Variants in INCA1 observed in about 807,000 individuals in gnomAD.
INCA1 encodes the protein protein INCA1.
A neutral mutation model predicts 25.7 loss-of-function variants in INCA1; 28 were observed. The observed-to-expected ratio is 1.09, with a 90% CI of 0.81 to 1.49. The LOEUF (loss-of-function observed/expected upper bound fraction) is 1.49, where lower values mean the gene tolerates loss of function less well. Ranked by LOEUF, INCA1 falls within the 40% of genes most tolerant of loss-of-function variation. The pLI, the probability that INCA1 is intolerant of heterozygous loss-of-function variation, is 0.00. For synonymous variants in INCA1, 111 were observed against 103.6 expected (o/e 1.07, Z -0.43); for missense variants, 309 against 290.9 (o/e 1.06, Z -0.45).
chr17:4,995,818 C>G (rs1284290883), intron 1 of INCA1: 1 of 152,230 alleles, frequency 6.6e-6, no homozygotes, highest in African/African-American at 2.4e-5. Context: ...GTAATCCCAG[C>G]TACTCAGGAG....
At chr17:4,996,214 C>A (rs563668638) in intron 1 of INCA1, among the ~76,000 whole-genome samples, 1 of 150,480 alleles carries the variant, frequency 6.6e-6, no homozygotes, top group East Asian at 2.0e-4. Context: ...GCGAAACCCC[C>A]TCTTTACCAA....
Position 4,988,931 on chromosome 17 carries a change from G to A in INCA1, c.409C>T (p.Gln137Ter). 12 of 1,613,874 alleles carry A rather than the reference G, an allele frequency of 7.4e-6. No individual in the cohort carries two copies. Among genetic ancestry groups the A allele is most frequent in the Non-Finnish European group, 1.0e-5 (12 of 1,179,950 alleles). The change falls in exon 6 of 7, where the codon CAG becomes TAG. Residue 137 changes from glutamine (Q) to a stop codon, truncating the protein, a stop_gained. Coordinates refer to ENST00000576820, the Ensembl canonical transcript of INCA1. LOFTEE classifies it high-confidence loss of function. ...GATGCAGCCCCAGAGCTGCCCCACT[G>A]GGCCTTCTTCAGTCTGTGGAGACTT...
In INCA1 at chr17:4,993,282, C is replaced by T. The variant is rs564343250; in HGVS notation, c.44+1112G>A. On this transcript the variant is annotated intron_variant, in intron 2 of 6. Coordinates refer to ENST00000576820, the Ensembl canonical transcript of INCA1. The stretch of plus-strand genomic sequence containing the variant: ...ACAACCTCTGCCTCCTGGGTTCAAG[C>T]GATTCTCCTGCCTCAGCCTCCCGAG... Among the ~76,000 whole-genome samples, 33 of 150,728 alleles carry T rather than the reference C, an allele frequency of 2.2e-4. 1 individual carries two copies. Among genetic ancestry groups the T allele is most frequent in the African/African-American group, 6.3e-4 (26 of 40,954 alleles).
chr17:4,988,670 G>C, intron 6 of INCA1, 109 bp downstream of exon 6: 1 of 1,566,692 alleles, frequency 6.4e-7, no homozygotes, highest in East Asian at 2.2e-5. Context: ...CGTTATTTTT[G>C]TTTCTCTCAA....
rs756111000 is a variant in INCA1, at chr17:4,988,739, C to G, written c.561+40G>C. The G allele has an allele frequency of 3.1e-6, 5 of 1,610,936 alleles. No homozygotes were observed. In the South Asian group the frequency reaches 5.5e-5, roughly 18 times the overall value. ...ATCTCCATGCAAGACCAGAGACCCA[C>G]ATCACTCCCTCACTCCACCCAGTTC... On this transcript the variant is annotated intron_variant, in intron 6 of 6. Coordinates refer to ENST00000576820, the Ensembl canonical transcript of INCA1.
intron 2 of INCA1, 135 bp from the exon 3 acceptor site, chr17:4,990,400 C>A (rs1050670808): frequency 2.1e-6 from 2 of 953,704 alleles, no homozygotes; most frequent in African/African-American, 1.7e-5. Context: ...CTCTCTTAAC[C>A]ACTTTAGCTG....
In INCA1 at chr17:4,989,599, C is replaced by G. The variant is rs377017363; in HGVS notation, c.224G>C (p.Gly75Ala). Residue 75 changes from glycine (G) to alanine (A), a missense_variant, in exon 5 of 7, where the codon GGT (glycine) becomes GCT (alanine). Physicochemically the swap from Gly to Ala is moderately conservative, Grantham distance 60. Coordinates refer to ENST00000576820, the Ensembl canonical transcript of INCA1. The stretch of plus-strand genomic sequence containing the variant: ...TGGGAGCTGCTCAGGAGGATACAGA[C>G]CAAGCTGGGAGCAACCAGTGGCTCT... 95 of 1,613,912 alleles carry G rather than the reference C, an allele frequency of 5.9e-5. No individual in the cohort carries two copies. The highest frequency in any genetic ancestry group is 7.5e-5 in the Non-Finnish European group (88 of 1,179,962).
chr17:4,991,493 AGAGCT>A (rs1178489271), intron 2 of INCA1, among the ~76,000 whole-genome samples: 1 of 152,232 alleles, frequency 6.6e-6, no homozygotes, highest in African/African-American at 2.4e-5. Flanking sequence ...AGGAGTGTGC[AGAGCT>A]GTTTGAGAAC....
intron 4 of INCA1, 59 bp from the exon 5 acceptor site, chr17:4,989,683 T>TTGGATTGAACTAGGTAGGGAGTCTGGGG: frequency 6.3e-7 from 1 of 1,595,082 alleles, no homozygotes; most frequent in South Asian, 1.1e-5. Context: ...TCAAGGGAGC[T>TTGGATTGAACTAGGTAGGGAGTCTGGGG]TGGATTGAAC....
chr17:4,989,520 C>T (rs752162219), exon 5 of INCA1: 2 of 1,614,256 alleles, frequency 1.2e-6, no homozygotes, highest in South Asian at 1.1e-5. Context: ...CCTGCTGCTG[C>T]ATTCCTTCCA....
chr17:4,988,172 G>A (rs1185646066), downstream of INCA1: 6 of 451,882 alleles, frequency 1.3e-5, no homozygotes, highest in Admixed American at 2.1e-4. Context: ...GAGAATACAA[G>A]GCCAGGAGCG....
chr17:4,996,247 TGTG>T (rs1974250344), intron 1 of INCA1, among the ~76,000 whole-genome samples: 1 of 150,752 alleles, frequency 6.6e-6, no homozygotes, highest in Non-Finnish European at 1.5e-5. Context: ...TTTAGCCAGG[TGTG>T]GTGGTGTGCG....
At chr17:4,991,410 A>G (rs1973866610) in intron 2 of INCA1, among the ~76,000 whole-genome samples, 1 of 152,182 alleles carries the variant, frequency 6.6e-6, no homozygotes, top group Non-Finnish European at 1.5e-5. Context: ...GGTCAATGCA[A>G]GGATCCAGGG....
chr17:4,989,367 C>T, intron 5 of INCA1, 61 bp downstream of exon 5: 1 of 1,508,548 alleles, frequency 6.6e-7, no homozygotes, highest in South Asian at 1.2e-5. Context: ...TTCCTTAGCT[C>T]AAACTGTTCT....
intron 1 of INCA1, among the ~76,000 whole-genome samples, chr17:4,996,666 CAAAAAAAAA>C (rs35732129): frequency 3.9e-5 from 2 of 51,776 alleles, no homozygotes; most frequent in Admixed American, 3.1e-4. Context: ...GACTCCGTCT[CAAAAAAAAA>C]AAAAAAAAAA....
intron 2 of INCA1, among the ~76,000 whole-genome samples, chr17:4,991,282 G>A (rs995318558): frequency 7.2e-5 from 11 of 152,132 alleles, no homozygotes; most frequent in Admixed American, 2.0e-4. Context: ...ATCCTAGGCC[G>A]CAGGTTGGAC....
At chr17:4,993,713 C>T (rs1256126491) in intron 2 of INCA1, among the ~76,000 whole-genome samples, 1 of 151,806 alleles carries the variant, frequency 6.6e-6, no homozygotes, top group Non-Finnish European at 1.5e-5. Context: ...CGTGATCCAC[C>T]CACCTCGGCC....
At chr17:4,990,370 A>C in intron 2 of INCA1, 105 bp from the exon 3 acceptor site, 1 of 1,330,812 alleles carries the variant, frequency 7.5e-7, no homozygotes, top group Non-Finnish European at 1.0e-6. Flanking sequence ...AAAGCTGCCC[A>C]GGTTCCCTCG....
At chr17:4,993,815 A>C (rs1463240484) in intron 2 of INCA1, among the ~76,000 whole-genome samples, 10 of 108,124 alleles carry the variant, frequency 9.2e-5, no homozygotes, top group Non-Finnish European at 1.5e-4. Context: ...TCTGTCGCCC[A>C]GGCTGGAGTG....
Sources: gnomAD v4.1 joint callset for allele counts (sites outside exome capture counted in the v4.1 genomes callset) on GRCh38, gnomAD v4.1.1 for gene constraint, MANE v1.5 for transcripts, NCBI Gene and HGNC (gene_info 2026-07-23, HGNC 2026-07-21) for gene names.